Variants in MAST2 observed in about 807,000 individuals in gnomAD.
The protein encoded by MAST2 is microtubule associated serine/threonine kinase 2.
Under a neutral mutation model 147.4 loss-of-function variants are expected in MAST2, and 70 were observed. That is an observed-to-expected ratio of 0.47 (90% CI 0.39 to 0.58). The LOEUF (loss-of-function observed/expected upper bound fraction) is 0.58, where lower values mean the gene tolerates loss of function less well. MAST2 is among the 20% of genes least tolerant of loss of function. The probability of loss-of-function intolerance (pLI) is 0.00; values close to 1 mark genes in which losing one functional copy is unlikely to be tolerated. For missense variants in MAST2, 2,080 were observed against 2,302.3 expected (o/e 0.90, Z 1.98); for synonymous variants, 869 against 896.8 (o/e 0.97, Z 0.55).
At chr1:45,804,183 T>G in intron 1 of MAST2, 111 bp downstream of exon 1, 4 of 1,212,620 alleles carry the variant, frequency 3.3e-6, no homozygotes, top group Non-Finnish European at 4.2e-6. Context: ...TCTGAGTAGT[T>G]CGCGGGGAGG....
At chr1:45,926,041 A>G (rs1654309298) in intron 4 of MAST2, among the ~76,000 whole-genome samples, 1 of 152,202 alleles carries the variant, frequency 6.6e-6, no homozygotes, top group Non-Finnish European at 1.5e-5. Context: ...TCATTTTACC[A>G]ACACCTGCTT....
chr1:45,838,025 C>T (rs528992651), intron 3 of MAST2, among the ~76,000 whole-genome samples: 41 of 152,100 alleles, frequency 2.7e-4, no homozygotes, highest in African/African-American at 7.2e-4. Context: ...GGGATCCACC[C>T]GCCTCAGCCT....
chr1:45,968,877 G>GT (rs35057147), intron 5 of MAST2, among the ~76,000 whole-genome samples: 63,334 of 139,034 alleles, frequency 0.46, 14,130 homozygotes, highest in East Asian at 0.63. Context: ...TCTGGTGTTG[G>GT]TTTTTTTTTT....
chr1:46,006,282 C>G lies in MAST2; in HGVS notation c.789C>G (p.Phe263Leu), dbSNP rs1645482301. ...SSQEKLHQLP[F>L]QPTADELHFL... ...AGGAAAAGCTGCATCAGTTGCCTTT[C>G]CAGCCTACAGCTGATGAGCTGCACT... Residue 263 changes from phenylalanine (F) to leucine (L), a missense_variant, in exon 8 of 29, where the codon TTC (phenylalanine) becomes TTG (leucine). Transcript: ENST00000361297. 4 of 1,613,700 alleles carry G rather than the reference C, an allele frequency of 2.5e-6. No individual in the cohort carries two copies. The highest frequency in any genetic ancestry group is 3.4e-6 in the Non-Finnish European group (4 of 1,179,750).
At chr1:46,032,498 A>C in intron 25 of MAST2, 94 bp downstream of exon 25, 1 of 1,595,514 alleles carries the variant, frequency 6.3e-7, no homozygotes, top group Non-Finnish European at 8.6e-7. Flanking sequence ...CGGGGGTCAA[A>C]GGGTGGTGGT....
intron 5 of MAST2, among the ~76,000 whole-genome samples, chr1:45,969,556 G>T (rs925557052): frequency 2.0e-5 from 3 of 152,026 alleles, no homozygotes; most frequent in African/African-American, 7.3e-5. Context: ...CATGAACCCT[G>T]TTGTGAACTG....
Position 46,035,174 on chromosome 1 carries a change from A to G in MAST2, c.4505A>G (p.Asp1502Gly). The G allele has an allele frequency of 6.2e-7, 1 of 1,613,696 alleles. No homozygotes were observed. Among genetic ancestry groups the G allele is most frequent in the Non-Finnish European group, 8.5e-7 (1 of 1,179,950 alleles). Residue 1502 changes from aspartate (D) to glycine (G), a missense_variant, in exon 29 of 29, where the codon GAC becomes GGC. By Grantham distance (94) the Asp-to-Gly change is moderately conservative (BLOSUM62 -1). Coordinates refer to ENST00000361297, the MANE Select transcript of MAST2 (RefSeq NM_015112.3). The surrounding 1 kb of genome is among the most constrained non-coding windows in gnomAD (Gnocchi z 5.5). ...LQKQEAIREV[D>G]SSEDDTEEGP... ...AAGCAAGAAGCCATTCGTGAGGTGGACTCCTCAGAGGACGACACCGAGGAA... is the reference window on the plus strand; with the variant it reads ...AAGCAAGAAGCCATTCGTGAGGTGGGCTCCTCAGAGGACGACACCGAGGAA...
intron 3 of MAST2, among the ~76,000 whole-genome samples, chr1:45,840,787 G>A (rs1477555892): frequency 6.6e-6 from 1 of 152,168 alleles, no homozygotes; most frequent in Non-Finnish European, 1.5e-5. Context: ...AGTCATATAG[G>A]CTGAATATTG....
intron 3 of MAST2, among the ~76,000 whole-genome samples, chr1:45,864,446 A>T (rs1292752488): frequency 6.6e-6 from 1 of 152,234 alleles, no homozygotes; most frequent in Non-Finnish European, 1.5e-5. Context: ...GAGTCTAGCG[A>T]TAAAGAAACA....
intron 1 of MAST2, among the ~76,000 whole-genome samples, chr1:45,804,275 TAGA>T (rs1644074363): frequency 6.6e-6 from 1 of 151,550 alleles, no homozygotes; most frequent in Non-Finnish European, 1.5e-5. Context: ...AATGGGGGTG[TAGA>T]AGAATGAAAA....
intron 6 of MAST2, among the ~76,000 whole-genome samples, chr1:45,998,940 G>C (rs138719306): frequency 4.6e-5 from 7 of 152,204 alleles, no homozygotes; most frequent in African/African-American, 1.7e-4. Context: ...CACCGTGTTA[G>C]CCAGGATGGT....
chr1:45,871,220 C>CTT (rs34995725), intron 3 of MAST2, among the ~76,000 whole-genome samples: 44 of 147,810 alleles, frequency 3.0e-4, no homozygotes, highest in African/African-American at 8.4e-4. Flanking sequence ...TTACTGTCCC[C>CTT]TTTTTTTTTT....
At chr1:45,950,569 G>C (rs1390356478) in intron 4 of MAST2, among the ~76,000 whole-genome samples, 29 of 152,122 alleles carry the variant, frequency 1.9e-4, no homozygotes, top group Non-Finnish European at 1.6e-4. Flanking sequence ...TCTTTGTGTG[G>C]TCTAGAAGCT....
chr1:45,829,795 T>C (rs911964423), intron 3 of MAST2, among the ~76,000 whole-genome samples: 12 of 152,122 alleles, frequency 7.9e-5, no homozygotes, highest in Admixed American at 4.6e-4. Flanking sequence ...GTAGTATTCC[T>C]ATTGCCTCAA....
chr1:45,966,853 A>G (rs1368123258), intron 5 of MAST2, among the ~76,000 whole-genome samples: 1 of 134,502 alleles, frequency 7.4e-6, no homozygotes, highest in South Asian at 2.4e-4. Context: ...CAGTGTGTGG[A>G]TCTGGGTCTT....
intron 4 of MAST2, among the ~76,000 whole-genome samples, chr1:45,939,617 T>C (rs1656866508): frequency 6.6e-6 from 1 of 152,110 alleles, no homozygotes; most frequent in Admixed American, 6.5e-5. Flanking sequence ...CTCAGCTCAC[T>C]GTAACCTCTG....
intron 4 of MAST2, among the ~76,000 whole-genome samples, chr1:45,939,969 ATT>A (rs1250517277): frequency 1.6e-5 from 1 of 63,914 alleles, no homozygotes; most frequent in Non-Finnish European, 3.0e-5. Flanking sequence ...GAAGTTCTCT[ATT>A]TATTTAGGGT....
rs375529663 is a variant in MAST2 at position 46,033,949 on chromosome 1, C to G, written c.3674+11C>G. 3 of 1,613,644 alleles carry G rather than the reference C, an allele frequency of 1.9e-6. No individual in the cohort carries two copies. The African/African-American group carries it at 4.0e-5, about 22-fold the overall frequency. ...GGATGGGCAAGAAAGGTGAGCCAGG[C>G]GCAGTGAAGAGGGTTTTCTCTGAGC... On this transcript the variant is annotated intron_variant, in intron 27 of 28. Transcript: ENST00000361297.
At chr1:46,025,261 G>A (rs1234293984) in intron 15 of MAST2, among the ~76,000 whole-genome samples, 1 of 152,198 alleles carries the variant, frequency 6.6e-6, no homozygotes, top group East Asian at 1.9e-4. Flanking sequence ...AGAGGTTGCG[G>A]TGAGCTGATA....
Sources: gnomAD v4.1 joint callset for allele counts (sites outside exome capture counted in the v4.1 genomes callset) on GRCh38, gnomAD v4.1.1 for gene constraint, Gnocchi (gnomAD v3.1) non-coding constraint, MANE v1.5 for transcripts, NCBI Gene and HGNC (gene_info 2026-07-23, HGNC 2026-07-21) for gene names.